Variants in ZNF235 observed in about 807,000 individuals in gnomAD.
ZNF235 encodes zfp-93.
Under a neutral mutation model 29.4 loss-of-function variants are expected in ZNF235, and 25 were observed. That is an observed-to-expected ratio of 0.85 (90% CI 0.62 to 1.19). ZNF235 has a LOEUF of 1.19. Among genes scored for constraint, ZNF235 ranks in the 50% most tolerant of loss-of-function variants. The pLI is 0.00. For synonymous variants in ZNF235, 300 were observed against 295.3 expected, an observed-to-expected ratio of 1.02 and a Z score of -0.16; for missense variants, 788 against 885.0, an observed-to-expected ratio of 0.89 and a Z score of 1.39.
intron 1 of ZNF235, 55 bp from the exon 2 acceptor site, chr19:44,303,507 G>A: frequency 6.7e-7 from 1 of 1,491,442 alleles, no homozygotes; most frequent in African/African-American, 1.4e-5. Flanking sequence ...AGTCACCATG[G>A]CACTTTTATG....
chr19:44,295,848 C>G (rs1423853765), intron 4 of ZNF235, among the ~76,000 whole-genome samples: 1 of 152,098 alleles, frequency 6.6e-6, no homozygotes, highest in Non-Finnish European at 1.5e-5. Context: ...GAAAGGACAT[C>G]CTATTGAATA....
rs200649915 is a variant in ZNF235 at position 44,288,333 on chromosome 19, T to C, written c.1102A>G (p.Ile368Val). 3.3e-5 allele frequency: 54 copies of C among 1,614,000 alleles called. No homozygotes were observed. Among genetic ancestry groups the C allele is most frequent in the African/African-American group, 3.1e-4 (23 of 75,000 alleles). ...CTATAGGGCTTCTCTCCTGTGTGAA[T>C]AGGCAAATGAGCATAAAGATGTGAG... The part of the protein sequence containing the change: ...QSSHLYAHLP[I>V]HTGEKPYRCD... Residue 368 changes from isoleucine to valine, a missense_variant, in exon 5 of 5, where the codon ATT becomes GTT. By Grantham distance (29) the Ile-to-Val change is conservative. Transcript: ENST00000291182.
rs779451348 is a variant in ZNF235, at chr19:44,299,632, T to C, written c.116A>G (p.Glu39Gly). ...QRKLYRDVMLENFRNLVSVGH... is the reference protein window; with the variant it reads ...QRKLYRDVMLGNFRNLVSVGH... Reference sequence around the variant, plus strand: ...CACTGAAACCAGGTTCCTAAAGTTCTCCAGCATCACATCTCGGTACAGCTT... The same window carrying C: ...CACTGAAACCAGGTTCCTAAAGTTCCCCAGCATCACATCTCGGTACAGCTT... Residue 39 changes from glutamate to glycine, a missense_variant, in exon 3 of 5, where the codon GAG becomes GGG. Transcript: ENST00000291182. 6.2e-7 allele frequency: 1 copy of C among 1,614,068 alleles called. No individual in the cohort carries two copies. The highest frequency in any genetic ancestry group is 1.7e-5 in the Admixed American group (1 of 60,026).
At chr19:44,295,280 A>G (rs1316061194) in intron 4 of ZNF235, among the ~76,000 whole-genome samples, 4 of 152,180 alleles carry the variant, frequency 2.6e-5, no homozygotes, top group Non-Finnish European at 1.5e-5. Context: ...AGTCAGTAGC[A>G]TTTCTATACG....
intron 2 of ZNF235, among the ~76,000 whole-genome samples, chr19:44,303,004 A>T (rs1444324616): frequency 5.3e-4 from 73 of 138,738 alleles, no homozygotes; most frequent in African/African-American, 1.7e-3. Context: ...ATATACATAT[A>T]TACGTATATA....
chr19:44,302,982 TTATATA>T lies in ZNF235; in HGVS notation c.15+402_15+407del, dbSNP rs1302093911. The stretch of plus-strand genomic sequence containing the variant: ...AATATATACGTATATATGTATATAT[TTATATA>T]TAAATATATACATATATACGTATAT... On this transcript the variant is annotated intron_variant, in intron 2 of 4. Coordinates refer to ENST00000291182, the MANE Select transcript of ZNF235 (RefSeq NM_004234.4). 3.8e-4 allele frequency among the ~76,000 whole-genome samples: 44 copies of T among 116,992 alleles called. No individual in the cohort carries two copies. The East Asian group carries it at 9.8e-3, about 26-fold the overall frequency. 76.8% of individuals were successfully genotyped at this position (116,992 alleles called of 152,430 possible).
intron 4 of ZNF235, chr19:44,296,962 C>T (rs1975662401): frequency 6.6e-6 from 1 of 151,982 alleles, no homozygotes; most frequent in Admixed American, 6.5e-5. Context: ...AAAACGAATC[C>T]ACTGCAAAAA....
In ZNF235 at chr19:44,287,020, C is replaced by A. The variant is rs562550337; in HGVS notation, c.*198G>T. On this transcript the variant is annotated 3_prime_UTR_variant, in exon 5 of 5. Transcript: ENST00000291182. ...TCATATTTACAGAACAAAGTTTTCT[C>A]GCATCTGTGAAATATGACGTTTGTA... 2.2e-5 allele frequency: 12 copies of A among 551,592 alleles called. No individual in the cohort carries two copies. Among genetic ancestry groups the A allele is most frequent in the Admixed American group, 1.0e-4 (3 of 28,584 alleles). The allele number at this position is 551,592 out of a possible 1,614,324, so 34.2% of individuals were successfully genotyped here.
intron 4 of ZNF235, among the ~76,000 whole-genome samples, chr19:44,293,503 C>T (rs1244564320): frequency 1.3e-5 from 2 of 151,910 alleles, no homozygotes; most frequent in African/African-American, 2.4e-5. Flanking sequence ...CCCACAGACA[C>T]CACTAGATAG....
intron 4 of ZNF235, among the ~76,000 whole-genome samples, chr19:44,291,772 A>G (rs994106466): frequency 5.3e-5 from 8 of 152,174 alleles, no homozygotes; most frequent in Admixed American, 1.3e-4. Flanking sequence ...ATATTTCCAC[A>G]AACAAAAGTT....
intron 4 of ZNF235, among the ~76,000 whole-genome samples, chr19:44,296,595 CA>C (rs1345896867): frequency 6.6e-6 from 1 of 152,098 alleles, no homozygotes; most frequent in African/African-American, 2.4e-5. Context: ...TAGAATTAAT[CA>C]ATTTTCTATG....
rs1975527031 is a variant in ZNF235, at chr19:44,288,347, T to C, written c.1088A>G (p.Tyr363Cys). 6.2e-7 allele frequency: 1 copy of C among 1,614,078 alleles called. No homozygotes were observed. The stretch of plus-strand genomic sequence containing the variant: ...TCCTGTGTGAATAGGCAAATGAGCA[T>C]AAAGATGTGAGCTCTGATTAAAGCT... ...GKSFNQSSHLYAHLPIHTGEK... is the reference protein window; with the variant it reads ...GKSFNQSSHLCAHLPIHTGEK... Residue 363 changes from tyrosine to cysteine, a missense_variant, in exon 5 of 5, where the codon TAT becomes TGT. Physicochemically the swap from Tyr to Cys is radical, Grantham distance 194 (BLOSUM62 -2). Transcript: ENST00000291182.
At chr19:44,289,909 T>C (rs977183565) in intron 4 of ZNF235, 1 of 152,240 alleles carries the variant, frequency 6.6e-6, no homozygotes, top group South Asian at 2.1e-4. Context: ...TCCATATTTA[T>C]AGCTGGAGAT....
At chr19:44,299,469 G>T in intron 3 of ZNF235, 137 bp downstream of exon 3, 1 of 1,074,780 alleles carries the variant, frequency 9.3e-7, no homozygotes, top group South Asian at 1.5e-5. Flanking sequence ...TGAACAAGGG[G>T]ACAGAGGCCA....
chr19:44,296,731 A>G (rs554811801), intron 4 of ZNF235, among the ~76,000 whole-genome samples: 27 of 152,342 alleles, frequency 1.8e-4, no homozygotes, highest in African/African-American at 6.3e-4. Context: ...AACATTTTCT[A>G]GGATACACCA....
At chr19:44,293,236 A>G (rs1487167245) in intron 4 of ZNF235, among the ~76,000 whole-genome samples, 1 of 152,170 alleles carries the variant, frequency 6.6e-6, no homozygotes, top group Non-Finnish European at 1.5e-5. Flanking sequence ...AAAGCGGTAG[A>G]AAAAGATATT....
In ZNF235 at chr19:44,298,868, A is replaced by G; in HGVS notation, c.178T>C (p.Leu60=). ...QSFKPDMISQ[L]EREEKLWMKE... The stretch of plus-strand genomic sequence containing the variant: ...ATCCAAAGCTTTTCTTCCCTCTCCA[A>G]CTGGGATATCATATCTGGTTTGAAG... The change falls in exon 4 of 5, where the codon TTG becomes CTG. Residue 60 remains leucine (L), a synonymous_variant. Transcript: ENST00000291182. 6.2e-7 allele frequency: 1 copy of G among 1,614,052 alleles called. No homozygotes were observed. Among genetic ancestry groups the G allele is most frequent in the Non-Finnish European group, 8.5e-7 (1 of 1,179,886 alleles).
rs1975707526 is a variant in ZNF235, at chr19:44,299,717, T to C, written c.31A>G (p.Lys11Glu). 1 of 1,614,040 alleles carries C rather than the reference T, an allele frequency of 6.2e-7. No individual in the cohort carries two copies. The highest frequency in any genetic ancestry group is 2.2e-5 in the East Asian group (1 of 44,880). The stretch of plus-strand genomic sequence containing the variant: ...TCAGTGAAGGCCACAGCCACATCCT[T>C]GAATGTCACTGCCTCCTAGAACATC... MTKFQEAVTF[K>E]DVAVAFTEEE... The change falls in exon 3 of 5, where the codon AAG becomes GAG. Residue 11 changes from lysine to glutamate, a missense_variant. Coordinates refer to ENST00000291182, the MANE Select transcript of ZNF235 (RefSeq NM_004234.4).
At chr19:44,304,915 C>G (rs747719413) in intron 1 of ZNF235, 56 bp downstream of exon 1, 214 of 985,380 alleles carry the variant, frequency 2.2e-4, no homozygotes, top group Non-Finnish European at 2.3e-4. Context: ...CATTGCTGGC[C>G]CCACGCCTAG....
Sources: allele counts gnomAD v4.1 joint callset (sites outside exome capture counted in the v4.1 genomes callset), GRCh38; gene constraint gnomAD v4.1.1; transcripts MANE v1.5; gene names NCBI Gene and HGNC (gene_info 2026-07-23, HGNC 2026-07-21).